PCDH15: variants seen among roughly 807,000 people sequenced by gnomAD.
PCDH15 encodes protocadherin-15.
PCDH15 carries 129 observed loss-of-function variants against 178.5 expected under a neutral mutation model. The ratio of observed to expected loss-of-function variants is 0.72; its 90% confidence interval spans 0.63 to 0.84. The LOEUF is 0.84. PCDH15 is among the 40% of genes least tolerant of loss of function. The probability of loss-of-function intolerance (pLI) is 0.00; values close to 1 mark genes in which losing one functional copy is unlikely to be tolerated. For synonymous variants in PCDH15, 800 were observed against 732.0 expected (o/e 1.09, Z -1.50); for missense variants, 2,230 against 2,099.9 (o/e 1.06, Z -1.21).
intron 21 of PCDH15, among the ~76,000 whole-genome samples, chr10:53,964,450 A>ATTTATTCATAAAATTTTTATAAAAT (rs2088762708): frequency 7.1e-6 from 1 of 140,724 alleles, no homozygotes; most frequent in Admixed American, 7.0e-5. Flanking sequence ...ATAAAATTTT[A>ATTTATTCATAAAATTTTTATAAAAT]TTTATTCATA....
At chr10:54,995,800 C>A (rs1053085880) in intron 2 of PCDH15, among the ~76,000 whole-genome samples, 2 of 151,732 alleles carry the variant, frequency 1.3e-5, no homozygotes, top group Non-Finnish European at 2.9e-5. Flanking sequence ...TACTAGATTC[C>A]CCACCCATCA....
chr10:55,455,818 AT>A (rs1490245444), intron 2 of PCDH15, among the ~76,000 whole-genome samples: 2 of 152,144 alleles, frequency 1.3e-5, no homozygotes, highest in Non-Finnish European at 2.9e-5. Flanking sequence ...ATGATAACAT[AT>A]AATTTACCAT....
chr10:55,459,557 G>A (rs1465383352), intron 2 of PCDH15, among the ~76,000 whole-genome samples: 1 of 152,078 alleles, frequency 6.6e-6, no homozygotes, highest in Non-Finnish European at 1.5e-5. Context: ...TGTGAGCAAG[G>A]CTGAAGTGGG....
intron 1 of PCDH15, among the ~76,000 whole-genome samples, chr10:54,694,335 G>A (rs1033086169): frequency 1.2e-4 from 18 of 152,070 alleles, no homozygotes; most frequent in East Asian, 5.8e-4. Context: ...CTAAAATGTC[G>A]AGAGACAATG....
chr10:53,976,980 G>T (rs1006282094), intron 21 of PCDH15, among the ~76,000 whole-genome samples: 1 of 150,828 alleles, frequency 6.6e-6, no homozygotes, highest in African/African-American at 2.4e-5. Flanking sequence ...GTCATGACTG[G>T]CTAACTGAGT....
intron 20 of PCDH15, among the ~76,000 whole-genome samples, chr10:54,011,126 G>A (rs2092570342): frequency 6.6e-6 from 1 of 152,124 alleles, no homozygotes; most frequent in African/African-American, 2.4e-5. Flanking sequence ...CTCCCTGGCT[G>A]GACATTCCCA....
At chr10:55,209,852 G>T (rs1442336236) in intron 1 of PCDH15, among the ~76,000 whole-genome samples, 2 of 152,066 alleles carry the variant, frequency 1.3e-5, no homozygotes, top group Non-Finnish European at 2.9e-5. Context: ...CTAAAGATTT[G>T]TATGTGTGAT....
chr10:54,733,818 GT>G (rs1266419601), intron 1 of PCDH15, among the ~76,000 whole-genome samples: 4 of 147,614 alleles, frequency 2.7e-5, no homozygotes, highest in Non-Finnish European at 4.5e-5. Context: ...TTCTGACAAA[GT>G]TGCTTTAAAG....
chr10:54,533,434 C>T (rs879807926), intron 2 of PCDH15, among the ~76,000 whole-genome samples: 2 of 151,664 alleles, frequency 1.3e-5, no homozygotes, highest in East Asian at 3.9e-4. Flanking sequence ...TTATTTGGAA[C>T]AAGTTATGAA....
At chr10:55,567,434 TAA>T (rs567268602) in intron 2 of PCDH15, among the ~76,000 whole-genome samples, 8 of 124,110 alleles carry the variant, frequency 6.4e-5, no homozygotes, top group Admixed American at 1.6e-4. Context: ...TCACAAAAAG[TAA>T]AAAAAAAAAA....
At chr10:54,876,718 T>C (rs531885875) in intron 3 of PCDH15, among the ~76,000 whole-genome samples, 10 of 152,282 alleles carry the variant, frequency 6.6e-5, no homozygotes, top group Admixed American at 3.9e-4. Flanking sequence ...CCATCTTATA[T>C]AAAACTTGAA....
At chr10:54,089,869 A>T in intron 16 of PCDH15, 115 bp downstream of exon 16, 1 of 780,226 alleles carries the variant, frequency 1.3e-6, no homozygotes, top group Non-Finnish European at 2.2e-6. Flanking sequence ...TTCATAGAAA[A>T]CAGAAAGGGA....
intron 2 of PCDH15, among the ~76,000 whole-genome samples, chr10:55,456,761 G>GA (rs1312155602): frequency 1.6e-4 from 24 of 150,702 alleles, no homozygotes; most frequent in Non-Finnish European, 2.8e-4. Context: ...GTCTGGTTCT[G>GA]AAAAAAAAAT....
At chr10:54,501,853 T>C (rs2080724285) in intron 3 of PCDH15, among the ~76,000 whole-genome samples, 1 of 152,116 alleles carries the variant, frequency 6.6e-6, no homozygotes, top group Non-Finnish European at 1.5e-5. Context: ...TAATGTGTTA[T>C]GATAATTCCC....
At chr10:54,930,080 A>G (rs904633697) in intron 2 of PCDH15, among the ~76,000 whole-genome samples, 1 of 152,106 alleles carries the variant, frequency 6.6e-6, no homozygotes, top group Non-Finnish European at 1.5e-5. Flanking sequence ...CCAATAGTAA[A>G]AGTCTACCTG....
At chr10:55,043,818 T>C (rs775553068) in intron 2 of PCDH15, among the ~76,000 whole-genome samples, 2 of 151,932 alleles carry the variant, frequency 1.3e-5, no homozygotes, top group East Asian at 3.9e-4. Context: ...AGGTAAAGAC[T>C]ATCTGGATAC....
At chr10:53,964,809 T>C (rs1034304601) in intron 21 of PCDH15, among the ~76,000 whole-genome samples, 3 of 152,142 alleles carry the variant, frequency 2.0e-5, no homozygotes, top group African/African-American at 7.2e-5. Flanking sequence ...TCAGACTTAT[T>C]ATAATCATAT....
chr10:53,888,190 A>G (rs533124425), intron 26 of PCDH15, among the ~76,000 whole-genome samples: 99 of 150,006 alleles, frequency 6.6e-4, no homozygotes, highest in Middle Eastern at 3.4e-3. Flanking sequence ...AACACAGACC[A>G]AAAATATGTT....
chr10:54,668,068 T>G (rs1410666933), intron 1 of PCDH15, among the ~76,000 whole-genome samples: 2 of 152,084 alleles, frequency 1.3e-5, no homozygotes, highest in South Asian at 4.1e-4. Context: ...TCATTTGTAT[T>G]TCCTGCAAGA....
Sources: allele counts gnomAD v4.1 joint callset (sites outside exome capture counted in the v4.1 genomes callset), GRCh38; gene constraint gnomAD v4.1.1; transcripts MANE v1.5; gene names NCBI Gene and HGNC (gene_info 2026-07-23, HGNC 2026-07-21).